Variants in SHISAL1 observed in about 807,000 individuals in gnomAD.
SHISAL1 encodes the protein shisa like 1, also known as protein shisa-like-1.
In SHISAL1, 9 loss-of-function variants were observed where a neutral mutation model predicts 22.6. The ratio of observed to expected loss-of-function variants is 0.40; its 90% CI spans 0.24 to 0.70. The LOEUF (loss-of-function observed/expected upper bound fraction) is 0.70, where lower values mean the gene tolerates loss of function less well. Ranked by LOEUF, SHISAL1 falls within the 30% of genes least tolerant of loss-of-function variation. SHISAL1 has a pLI of 0.39. For synonymous variants in SHISAL1, 119 were observed against 115.4 expected (o/e 1.03, Z -0.20); for missense variants, 246 against 270.6 (o/e 0.91, Z 0.64).
chr22:44,311,143 T>C (rs1269512569), intron 1 of SHISAL1, among the ~76,000 whole-genome samples: 1 of 151,724 alleles, frequency 6.6e-6, no homozygotes, highest in Non-Finnish European at 1.5e-5. Flanking sequence ...ACTCCAGGGC[T>C]CCAGTGGGAC....
At chr22:44,285,193 G>A (rs1601792862) in intron 4 of SHISAL1, among the ~76,000 whole-genome samples, 2 of 152,298 alleles carry the variant, frequency 1.3e-5, no homozygotes, top group Middle Eastern at 6.8e-3. Context: ...TAAGCGCAAT[G>A]AGCTTGCAAG....
chr22:44,296,998 G>A, intron 2 of SHISAL1, 113 bp from the exon 3 acceptor site: 1 of 796,462 alleles, frequency 1.3e-6, no homozygotes, highest in East Asian at 2.5e-5. Flanking sequence ...TCCCTCCCCT[G>A]GATGCCTTTG....
the SHISAL1 span, among the ~76,000 whole-genome samples, chr22:44,330,816 C>G: frequency 3.8e-4 from 58 of 152,202 alleles, no homozygotes; most frequent in Admixed American, 3.8e-3. Context: ...CGGGCCACCC[C>G]AGCCCCGGGC....
In SHISAL1 at chr22:44,310,418, G is replaced by A. The variant is rs986401949; in HGVS notation, c.-33+2333C>T. Among the ~76,000 whole-genome samples, 5 of 152,278 alleles carry A rather than the reference G, an allele frequency of 3.3e-5. No homozygotes were observed. The highest frequency in any genetic ancestry group is 6.5e-5 in the Admixed American group (1 of 15,304). On this transcript the variant is annotated intron_variant, in intron 1 of 4. Transcript: ENST00000381176. The surrounding 1 kb of genome is among the most constrained non-coding windows in gnomAD (Gnocchi z 4.0). ...GCTCGACTCCAGACAGGGTGCTGGGGGCGACCACATAGGCTTTGCAGCGAG... is the reference window on the plus strand; with the variant it reads ...GCTCGACTCCAGACAGGGTGCTGGGAGCGACCACATAGGCTTTGCAGCGAG...
chr22:44,275,922 G>A (rs2055236680), intron 4 of SHISAL1, among the ~76,000 whole-genome samples: 1 of 152,216 alleles, frequency 6.6e-6, no homozygotes, highest in Non-Finnish European at 1.5e-5. Flanking sequence ...CAAGGCACGG[G>A]GCAGGAAGAT....
At chr22:44,309,405 C>T (rs1275497611) in intron 1 of SHISAL1, among the ~76,000 whole-genome samples, 28 of 152,282 alleles carry the variant, frequency 1.8e-4, no homozygotes, top group Non-Finnish European at 4.0e-4. Context: ...GGCAGCGGCC[C>T]AGCAGAAGGG....
chr22:44,331,281 C>T, the SHISAL1 span, among the ~76,000 whole-genome samples: 1 of 151,622 alleles, frequency 6.6e-6, no homozygotes, highest in Non-Finnish European at 1.5e-5. The surrounding 1 kb of genome is among the most constrained non-coding windows in gnomAD (Gnocchi z 5.2). Context: ...AGCCCCGGAC[C>T]CCCGTCATAT....
chr22:44,313,949 G>A (rs1008700254), upstream of SHISAL1, among the ~76,000 whole-genome samples: 2 of 152,190 alleles, frequency 1.3e-5, no homozygotes, highest in African/African-American at 2.4e-5. Flanking sequence ...AGCCCAGAGC[G>A]ATGGGTGCCA....
intron 4 of SHISAL1, among the ~76,000 whole-genome samples, chr22:44,278,934 G>T (rs956494769): frequency 3.9e-5 from 6 of 152,146 alleles, no homozygotes; most frequent in African/African-American, 1.4e-4. Context: ...CAGTCCCACT[G>T]TGTACCCTCG....
At chr22:44,311,295 G>A (rs569128114) in intron 1 of SHISAL1, among the ~76,000 whole-genome samples, 2 of 152,288 alleles carry the variant, frequency 1.3e-5, no homozygotes, top group South Asian at 2.1e-4. Context: ...ACACTGCCAC[G>A]AAGGGTGCTG....
At chr22:44,286,571 C>T (rs1177344520) in intron 3 of SHISAL1, among the ~76,000 whole-genome samples, 2 of 152,188 alleles carry the variant, frequency 1.3e-5, no homozygotes, top group Non-Finnish European at 2.9e-5. Context: ...TGCCTACCTC[C>T]CACCGGCCCT....
chr22:44,322,319 C>T, the SHISAL1 span, among the ~76,000 whole-genome samples: 2 of 152,220 alleles, frequency 1.3e-5, no homozygotes, highest in African/African-American at 4.8e-5. Flanking sequence ...GCAGAGCACT[C>T]CCATCCCTGG....
At chr22:44,253,208 A>C (rs2055060985) in intron 4 of SHISAL1, among the ~76,000 whole-genome samples, 1 of 152,120 alleles carries the variant, frequency 6.6e-6, no homozygotes, top group Non-Finnish European at 1.5e-5. Flanking sequence ...AATGAAGATA[A>C]ATCAGGGGTC....
chr22:44,296,802 A>G lies in SHISAL1; in HGVS notation c.151T>C (p.Ser51Pro), dbSNP rs2055389958. The change falls in exon 3 of 5, where the codon TCG (serine) becomes CCG (proline). Residue 51 changes from serine to proline, a missense_variant. By Grantham distance (74) the Ser-to-Pro change is moderately conservative. This residue lies in a region of SHISAL1 where 110 missense variants were observed against 153.1 expected (regional missense o/e 0.72). Coordinates refer to ENST00000381176, the MANE Select transcript of SHISAL1 (RefSeq NM_001099294.2). ...CAGAGGATGAAGGTCTTGTTGTCCG[A>G]GAGCCGGGGGCAGTGGAAGCCAAAG... is the stretch of plus-strand genomic sequence containing the variant. ...YHFGFHCPRL[S>P]DNKTFILCCH... 2 of 1,613,852 alleles carry G rather than the reference A, an allele frequency of 1.2e-6. No individual in the cohort carries two copies. The highest frequency in any genetic ancestry group is 1.3e-5 in the African/African-American group (1 of 74,932).
chr22:44,288,391 C>A (rs936965694), intron 3 of SHISAL1, among the ~76,000 whole-genome samples: 1 of 152,138 alleles, frequency 6.6e-6, no homozygotes, highest in African/African-American at 2.4e-5. Context: ...AATCCCAGCA[C>A]TTTGGGAGGC....
In SHISAL1 at chr22:44,310,393, G is replaced by T. The variant is rs1265277359; in HGVS notation, c.-33+2358C>A. Among the ~76,000 whole-genome samples, 4 of 152,222 alleles carry T rather than the reference G, an allele frequency of 2.6e-5. No individual in the cohort carries two copies. The highest frequency in any genetic ancestry group is 9.6e-5 in the African/African-American group (4 of 41,466). On this transcript the variant is annotated intron_variant, in intron 1 of 4. Coordinates refer to ENST00000381176, the MANE Select transcript of SHISAL1 (RefSeq NM_001099294.2). The surrounding 1 kb of genome is among the most constrained non-coding windows in gnomAD (Gnocchi z 4.0). ...AGGTTTGCAATCTGAACCCAGGTTT[G>T]CTCGACTCCAGACAGGGTGCTGGGG...
intron 4 of SHISAL1, among the ~76,000 whole-genome samples, chr22:44,266,476 GTGTGTGTC>G (rs61044606): frequency 0.028 from 3,625 of 131,728 alleles, 267 homozygotes; most frequent in African/African-American, 0.12. Flanking sequence ...GTTGGGCTGT[GTGTGTGTC>G]TGTTGGGGGC....
At chr22:44,262,926 A>G (rs1385793258) in intron 4 of SHISAL1, among the ~76,000 whole-genome samples, 1 of 152,130 alleles carries the variant, frequency 6.6e-6, no homozygotes, top group African/African-American at 2.4e-5. Flanking sequence ...AGACGAAAGC[A>G]GAGGAGTCAT....
intron 4 of SHISAL1, among the ~76,000 whole-genome samples, chr22:44,284,341 C>T (rs995328518): frequency 2.0e-5 from 3 of 151,990 alleles, no homozygotes; most frequent in East Asian, 1.9e-4. Flanking sequence ...TCACGAGGAT[C>T]GGAAGGTTAA....
Sources: gnomAD v4.1 joint callset for allele counts (sites outside exome capture counted in the v4.1 genomes callset) on GRCh38, gnomAD v4.1.1 for gene constraint, gnomAD v4.1.1 regional missense constraint, Gnocchi (gnomAD v3.1) non-coding constraint, MANE v1.5 for transcripts, NCBI Gene and HGNC (gene_info 2026-07-23, HGNC 2026-07-21) for gene names.